The following TMPRSS15 variants were observed in gnomAD, a reference collection of about 807,000 sequenced individuals.
TMPRSS15 encodes the protein transmembrane serine protease 15, also known as enteropeptidase.
Under a neutral mutation model 125.3 loss-of-function variants are expected in TMPRSS15, and 128 were observed. The ratio of observed to expected loss-of-function variants is 1.02; its 90% CI spans 0.89 to 1.18. The LOEUF (loss-of-function observed/expected upper bound fraction) is 1.18, where lower values mean the gene tolerates loss of function less well. Ranked by LOEUF, TMPRSS15 falls within the 50% of genes most tolerant of loss-of-function variation. TMPRSS15 has a pLI of 0.00. For missense variants in TMPRSS15, 1,283 were observed against 1,212.7 expected (o/e 1.06, Z -0.86); for synonymous variants, 446 against 423.2 (o/e 1.05, Z -0.66).
Position 18,278,923 on chromosome 21 carries a change from G to GGTTT in TMPRSS15, c.2764+37_2764+40dup, listed in dbSNP as rs200947281. The GGTTT allele has an allele frequency of 1.2e-4, 95 of 779,136 alleles. No individual in the cohort carries two copies. In the African/African-American group the frequency reaches 2.1e-3, roughly 18 times the overall value. The allele number at this position is 779,136 out of a possible 1,614,324, so 48.3% of individuals were successfully genotyped here. ...ATGACAGTCTGTTTTTCACCAGTAA[G>GGTTT]GTTTTTTTTTTTTTTTTTTTTTTTG... On this transcript the variant is annotated intron_variant, in intron 23 of 24. Transcript: ENST00000284885.
At chr21:18,379,250 T>C in intron 5 of TMPRSS15, 33 bp downstream of exon 5, 1 of 1,179,840 alleles carries the variant, frequency 8.5e-7, no homozygotes, top group Non-Finnish European at 1.1e-6. Flanking sequence ...AAACTTTCTT[T>C]CAAAAAATAA....
At chr21:18,291,919 C>T (rs1444665537) in intron 21 of TMPRSS15, among the ~76,000 whole-genome samples, 2 of 152,128 alleles carry the variant, frequency 1.3e-5, no homozygotes, top group East Asian at 3.9e-4. Flanking sequence ...GAAGCAGGAG[C>T]CTAGGAGAGC....
intron 1 of TMPRSS15, among the ~76,000 whole-genome samples, chr21:18,468,339 A>G (rs1045345323): frequency 3.3e-5 from 5 of 152,156 alleles, no homozygotes; most frequent in African/African-American, 4.8e-5. Flanking sequence ...CTTTATTTCA[A>G]TTATGGTGAC....
intron 1 of TMPRSS15, among the ~76,000 whole-genome samples, chr21:18,461,267 A>G (rs1302100881): frequency 6.6e-6 from 1 of 152,122 alleles, no homozygotes; most frequent in East Asian, 1.9e-4. Context: ...GTTTTTCTAC[A>G]TGTAGTTACA....
intron 1 of TMPRSS15, among the ~76,000 whole-genome samples, chr21:18,445,722 AT>A (rs1398198918): frequency 6.6e-6 from 1 of 152,224 alleles, no homozygotes; most frequent in Non-Finnish European, 1.5e-5. Flanking sequence ...GGATCATTTT[AT>A]TAGATGCTAA....
intron 23 of TMPRSS15, among the ~76,000 whole-genome samples, chr21:18,277,637 G>A (rs185806899): frequency 1.8e-4 from 28 of 152,274 alleles, no homozygotes; most frequent in African/African-American, 6.5e-4. Context: ...AAAAGCATTT[G>A]ACTTAGAACT....
At chr21:18,347,257 G>T (rs1453115286) in intron 10 of TMPRSS15, among the ~76,000 whole-genome samples, 1 of 151,720 alleles carries the variant, frequency 6.6e-6, no homozygotes, top group Admixed American at 6.6e-5. Flanking sequence ...TTTTTCTTGA[G>T]ATGATGTTTC....
intron 7 of TMPRSS15, among the ~76,000 whole-genome samples, chr21:18,363,125 G>A (rs2075692982): frequency 6.6e-6 from 1 of 151,936 alleles, no homozygotes; most frequent in African/African-American, 2.4e-5. Flanking sequence ...TCACTATTGG[G>A]AAAGAAAACA....
intron 18 of TMPRSS15, among the ~76,000 whole-genome samples, chr21:18,301,634 C>T (rs2074974570): frequency 6.6e-6 from 1 of 152,144 alleles, no homozygotes; most frequent in African/African-American, 2.4e-5. Flanking sequence ...CTAGACTGTA[C>T]ATTTTCTAAA....
In TMPRSS15 at chr21:18,288,676, G is replaced by T. The variant is rs562348504; in HGVS notation, c.2486+5594C>A. On this transcript the variant is annotated intron_variant, in intron 21 of 24. Transcript: ENST00000284885. ...TTGCCTCAGCCTCCCGAGTAGCTGG[G>T]ACTACAGGCGCATGCTGCCACACCT... 2.0e-5 allele frequency among the ~76,000 whole-genome samples: 3 copies of T among 151,704 alleles called. No homozygotes were observed. The East Asian group carries it at 5.9e-4, about 30-fold the overall frequency.
intron 23 of TMPRSS15, among the ~76,000 whole-genome samples, chr21:18,277,111 C>T (rs990088931): frequency 6.6e-6 from 1 of 152,002 alleles, no homozygotes; most frequent in Non-Finnish European, 1.5e-5. Flanking sequence ...AGTCATAAAG[C>T]AAAGTTCATA....
intron 1 of TMPRSS15, among the ~76,000 whole-genome samples, chr21:18,485,617 T>A (rs9981187): frequency 0.012 from 1,886 of 152,174 alleles, 51 homozygotes; most frequent in African/African-American, 0.043. Context: ...TCTTCTTTAT[T>A]CTTTTGACAT....
At chr21:18,399,064 C>T (rs575726265) in intron 1 of TMPRSS15, among the ~76,000 whole-genome samples, 1 of 152,066 alleles carries the variant, frequency 6.6e-6, no homozygotes, top group South Asian at 2.1e-4. Flanking sequence ...TTCATTGACA[C>T]TGATTTATGT....
intron 1 of TMPRSS15, among the ~76,000 whole-genome samples, chr21:18,435,972 G>T (rs1410673588): frequency 6.8e-6 from 1 of 147,562 alleles, no homozygotes; most frequent in African/African-American, 2.5e-5. Context: ...GGGATCGGTG[G>T]TGATATCCCC....
At chr21:18,331,717 A>G (rs1249896661) in intron 14 of TMPRSS15, among the ~76,000 whole-genome samples, 2 of 152,192 alleles carry the variant, frequency 1.3e-5, no homozygotes, top group African/African-American at 4.8e-5. Context: ...AACACACTAT[A>G]GACATTATAT....
At chr21:18,469,598 T>C (rs954621949) in intron 1 of TMPRSS15, among the ~76,000 whole-genome samples, 3 of 152,070 alleles carry the variant, frequency 2.0e-5, no homozygotes, top group Non-Finnish European at 4.4e-5. Flanking sequence ...TTACAATTGT[T>C]CAAACTTTGA....
chr21:18,289,341 C>T (rs8127480), intron 21 of TMPRSS15, among the ~76,000 whole-genome samples: 122,106 of 151,780 alleles, frequency 0.8, 49,331 homozygotes, highest in Non-Finnish European at 0.83. Flanking sequence ...GGAGAAACCC[C>T]GTCTCTACTA....
At position 18,403,590 on chromosome 21, in the gene TMPRSS15, A is replaced by T; in HGVS notation, c.33T>A (p.His11Gln). Residue 11 changes from histidine (H) to glutamine (Q), a missense_variant, in exon 1 of 25, where the codon CAT (histidine) becomes CAA (glutamine). Transcript: ENST00000284885. MGSKRGISSR[H>Q]HSLSSYEIMF... ...TGATTTCATAGGAGCTGAGAGAATG[A>T]TGCCTAGAAGATATGCCTCTTTTCG... 1 of 1,614,202 alleles carries T rather than the reference A, an allele frequency of 6.2e-7. No individual in the cohort carries two copies. The highest frequency in any genetic ancestry group is 8.5e-7 in the Non-Finnish European group (1 of 1,180,014).
chr21:18,475,117 G>A (rs191635735), intron 1 of TMPRSS15, among the ~76,000 whole-genome samples: 11 of 152,256 alleles, frequency 7.2e-5, no homozygotes, highest in Admixed American at 4.6e-4. Context: ...AATAGAGGCT[G>A]TAAATTAATA....
Sources: allele counts gnomAD v4.1 joint callset (sites outside exome capture counted in the v4.1 genomes callset), GRCh38; gene constraint gnomAD v4.1.1; transcripts MANE v1.5; gene names NCBI Gene and HGNC (gene_info 2026-07-23, HGNC 2026-07-21).